Variants in BTBD10 observed in about 807,000 individuals in gnomAD.
BTBD10 encodes BTB/POZ domain-containing protein 10.
Under a neutral mutation model 53.2 loss-of-function variants are expected in BTBD10, and 21 were observed. The observed-to-expected ratio is 0.39, with a 90% CI of 0.28 to 0.57. The LOEUF (loss-of-function observed/expected upper bound fraction) is 0.57, where lower values mean the gene tolerates loss of function less well. BTBD10 is among the 20% of genes least tolerant of loss of function. BTBD10 has a pLI of 0.53. For missense variants in BTBD10, 360 were observed against 594.7 expected (o/e 0.61, Z 4.10); for synonymous variants, 149 against 192.7 (o/e 0.77, Z 1.88).
intron 1 of BTBD10, among the ~76,000 whole-genome samples, chr11:13,456,633 T>C (rs536436703): frequency 5.9e-5 from 9 of 152,230 alleles, no homozygotes; most frequent in African/African-American, 2.2e-4. Context: ...TCATAGTATA[T>C]AAAGAGTTCC....
intron 2 of BTBD10, among the ~76,000 whole-genome samples, chr11:13,429,041 G>A (rs975092574): frequency 1.3e-5 from 2 of 151,472 alleles, no homozygotes; most frequent in African/African-American, 4.9e-5. Context: ...AAATACTTAG[G>A]GATAAATATG....
intron 1 of BTBD10, among the ~76,000 whole-genome samples, chr11:13,448,939 T>C (rs10741618): frequency 0.78 from 118,624 of 152,140 alleles, 47,063 homozygotes; most frequent in Middle Eastern, 0.88. Context: ...TTCATTACTA[T>C]GTTTAGGCAT....
At chr11:13,415,398 G>T (rs1490424192) in intron 5 of BTBD10, among the ~76,000 whole-genome samples, 1 of 152,126 alleles carries the variant, frequency 6.6e-6, no homozygotes, top group East Asian at 1.9e-4. Flanking sequence ...CATGCCCCAG[G>T]CGCAGTGTTT....
intron 8 of BTBD10, among the ~76,000 whole-genome samples, chr11:13,397,659 G>T (rs1949591676): frequency 6.6e-6 from 1 of 152,218 alleles, no homozygotes; most frequent in South Asian, 2.1e-4. Context: ...GATCTTTCCT[G>T]CTTTCTCTTG....
At chr11:13,439,803 T>A in intron 2 of BTBD10, 1 of 1,153,752 alleles carries the variant, frequency 8.7e-7, no homozygotes, top group Non-Finnish European at 1.2e-6. Flanking sequence ...AGGTCACACA[T>A]ATCCCTCTCA....
At chr11:13,426,806 G>A (rs192894690) in intron 2 of BTBD10, among the ~76,000 whole-genome samples, 2 of 152,128 alleles carry the variant, frequency 1.3e-5, no homozygotes, top group Non-Finnish European at 2.9e-5. Context: ...AAAAGGGGTT[G>A]GGAGGAAGAA....
intron 2 of BTBD10, chr11:13,439,993 C>T: frequency 6.5e-7 from 1 of 1,534,798 alleles, no homozygotes; most frequent in South Asian, 1.2e-5. Context: ...AAAGCCAGGT[C>T]AGCATCCTTG....
intron 1 of BTBD10, among the ~76,000 whole-genome samples, chr11:13,450,432 T>A (rs1021374384): frequency 1.1e-4 from 17 of 152,202 alleles, no homozygotes; most frequent in Admixed American, 2.0e-4. Flanking sequence ...GGAAGAATTC[T>A]AAGGGCCAGA....
intron 1 of BTBD10, among the ~76,000 whole-genome samples, chr11:13,460,396 AAC>A (rs2134070142): frequency 6.6e-6 from 1 of 152,220 alleles, no homozygotes; most frequent in Admixed American, 6.5e-5. Context: ...ATGCCTAAAA[AAC>A]ACCTCTTACT....
At chr11:13,394,672 A>G (rs1949492138) in intron 8 of BTBD10, among the ~76,000 whole-genome samples, 2 of 151,504 alleles carry the variant, frequency 1.3e-5, no homozygotes, top group South Asian at 2.1e-4. Flanking sequence ...CATTAGCTAT[A>G]TCTCCTAATG....
chr11:13,395,982 AGCTTT>A (rs1949540286), intron 8 of BTBD10, among the ~76,000 whole-genome samples: 1 of 152,096 alleles, frequency 6.6e-6, no homozygotes, highest in South Asian at 2.1e-4. Context: ...TGATGCCTCC[AGCTTT>A]GTTCTTTTGG....
intron 8 of BTBD10, among the ~76,000 whole-genome samples, chr11:13,401,122 C>CAGATATATAT (rs146120631): frequency 0.16 from 23,154 of 149,104 alleles, 1,978 homozygotes; most frequent in Admixed American, 0.24. Flanking sequence ...TATTATATAT[C>CAGATATATAT]AGATATATAT....
chr11:13,431,891 GAA>G (rs1338771443), intron 2 of BTBD10, among the ~76,000 whole-genome samples: 1 of 152,000 alleles, frequency 6.6e-6, no homozygotes, highest in Non-Finnish European at 1.5e-5. Flanking sequence ...CCTACAAGGG[GAA>G]AAAGTTTATA....
intron 1 of BTBD10, among the ~76,000 whole-genome samples, chr11:13,453,986 A>T (rs1415615301): frequency 6.6e-6 from 1 of 152,154 alleles, no homozygotes; most frequent in Non-Finnish European, 1.5e-5. Context: ...TGGGAGGTGG[A>T]GGTTGCAGTG....
At position 13,396,906 on chromosome 11, in the gene BTBD10, G is replaced by C. The variant is rs992322377; in HGVS notation, c.1117+6262C>G. Among the ~76,000 whole-genome samples the C allele has an allele frequency of 2.0e-4, 31 of 152,142 alleles. No homozygotes were observed. In the South Asian group the frequency reaches 3.1e-3, roughly 15 times the overall value. On this transcript the variant is annotated intron_variant, in intron 8 of 8. Transcript: ENST00000278174. ...GGGATGAAGCCCACTTGATCATGGT[G>C]GATAAGCTTTTTGATGTGTTGCTGG...
At chr11:13,390,854 G>A (rs1159470776) in intron 8 of BTBD10, among the ~76,000 whole-genome samples, 1 of 152,204 alleles carries the variant, frequency 6.6e-6, no homozygotes, top group Non-Finnish European at 1.5e-5. Flanking sequence ...TGGTGGGGGT[G>A]AGATAGGTGC....
chr11:13,399,415 T>C (rs1949650354), intron 8 of BTBD10, among the ~76,000 whole-genome samples: 1 of 152,214 alleles, frequency 6.6e-6, no homozygotes, highest in Non-Finnish European at 1.5e-5. Context: ...TTTAAGAACT[T>C]CTCTGCATTG....
intron 5 of BTBD10, among the ~76,000 whole-genome samples, chr11:13,416,775 G>A (rs542949611): frequency 2.0e-4 from 31 of 152,190 alleles, no homozygotes; most frequent in African/African-American, 6.0e-4. Context: ...CCTGGAGTTC[G>A]AGAACAGCCT....
chr11:13,407,942 G>C (rs1009334507), intron 6 of BTBD10, among the ~76,000 whole-genome samples: 1 of 152,164 alleles, frequency 6.6e-6, no homozygotes, highest in African/African-American at 2.4e-5. Context: ...TATTCTGTTT[G>C]ACATTCCTAG....
Sources: gnomAD v4.1 joint callset for allele counts (sites outside exome capture counted in the v4.1 genomes callset) on GRCh38, gnomAD v4.1.1 for gene constraint, MANE v1.5 for transcripts, NCBI Gene and HGNC (gene_info 2026-07-23, HGNC 2026-07-21) for gene names.